The following SULT1A1 variants were observed in gnomAD, a reference collection of about 807,000 sequenced individuals.
SULT1A1 encodes sulfotransferase 1A1.
In SULT1A1, 35 loss-of-function variants were observed where a neutral mutation model predicts 36.8. That is an observed-to-expected ratio of 0.95 (90% CI 0.73 to 1.26). SULT1A1 has a LOEUF of 1.26. SULT1A1 is among the 50% of genes most tolerant of loss of function. The pLI is 0.00. For synonymous variants in SULT1A1, 119 were observed against 146.0 expected (o/e 0.82, Z 1.33); for missense variants, 309 against 383.0 (o/e 0.81, Z 1.61).
chr16:28,609,760 A>T (rs1329783798), intron 1 of SULT1A1, 171 bp downstream of exon 1: 1 of 840,588 alleles, frequency 1.2e-6, no homozygotes, highest in Non-Finnish European at 1.6e-6. Flanking sequence ...TCCCCGGGGA[A>T]AAAAACAAAC....
chr16:28,614,053 TC>T, upstream of SULT1A1: 1 of 202,752 alleles, frequency 4.9e-6, no homozygotes, highest in Non-Finnish European at 1.0e-5. Context: ...AGCGGGGTCC[TC>T]ACTGCCGGCT....
At chr16:28,607,321 G>A in intron 4 of SULT1A1, 1 of 658,576 alleles carries the variant, frequency 1.5e-6, no homozygotes, top group Non-Finnish European at 2.4e-6. Context: ...CCCCAATCTG[G>A]AGCAAGGCAT....
At chr16:28,607,506 CAGA>C (rs2047251935) in intron 4 of SULT1A1, 1 of 178,398 alleles carries the variant, frequency 5.6e-6, no homozygotes, top group Non-Finnish European at 1.2e-5. Context: ...GCGACTTTCC[CAGA>C]AGAACAGGAC....
At chr16:28,610,359 TC>T (rs2047406204), upstream of SULT1A1, 3 of 584,568 alleles carry the variant, frequency 5.1e-6, no homozygotes, top group South Asian at 6.0e-5. Context: ...AGACAAGCTC[TC>T]TCTAATTGAC....
At chr16:28,616,080 G>A (rs7188400) in intron 2 of SULT1A1, among the ~76,000 whole-genome samples, 9,446 of 152,140 alleles carry the variant, frequency 0.062, 886 homozygotes, top group African/African-American at 0.21. Flanking sequence ...CTAGACCAAG[G>A]AGCCCTCTGG....
chr16:28,623,190 G>C, exon 1 of SULT1A1: 3 of 1,549,222 alleles, frequency 1.9e-6, no homozygotes, highest in Non-Finnish European at 2.6e-6. Flanking sequence ...CAGCAACTTG[G>C]CCAGCATGGC....
chr16:28,607,681 C>G (rs976146932), intron 4 of SULT1A1: 1 of 105,008 alleles, frequency 9.5e-6, no homozygotes, highest in African/African-American at 3.1e-5. Context: ...AAAAAAGGAC[C>G]GTGGTCTTTC....
intron 1 of SULT1A1, among the ~76,000 whole-genome samples, chr16:28,621,207 TGCGAGG>T (rs1440634671): frequency 6.7e-6 from 1 of 150,062 alleles, no homozygotes; most frequent in East Asian, 2.0e-4. Context: ...CAATCTCAGG[TGCGAGG>T]GCTCACGTCT....
At chr16:28,618,566 G>C (rs548854581) in intron 2 of SULT1A1, among the ~76,000 whole-genome samples, 4 of 151,726 alleles carry the variant, frequency 2.6e-5, no homozygotes, top group African/African-American at 9.7e-5. Context: ...GGATGGTCTC[G>C]ATCTCCCGAC....
chr16:28,609,354 T>G, intron 1 of SULT1A1: 1 of 1,290,312 alleles, frequency 7.8e-7, no homozygotes, highest in Non-Finnish European at 1.0e-6. Context: ...AGGCCTGTGA[T>G]CCACTTGCCT....
At chr16:28,623,201 G>T in exon 1 of SULT1A1, 2 of 1,547,436 alleles carry the variant, frequency 1.3e-6, no homozygotes, top group Non-Finnish European at 8.7e-7. Context: ...CCAGCATGGC[G>T]CGCGGCGCTC....
chr16:28,619,418 C>A (rs2151722571), intron 2 of SULT1A1, among the ~76,000 whole-genome samples: 2 of 152,262 alleles, frequency 1.3e-5, no homozygotes, highest in South Asian at 4.1e-4. Flanking sequence ...AAATATTGGA[C>A]CCTTCTGCCA....
chr16:28,620,087 T>C (rs1438019638), exon 2 of SULT1A1: 1 of 1,613,244 alleles, frequency 6.2e-7, no homozygotes, highest in Non-Finnish European at 8.5e-7. Context: ...AGAATTTCTG[T>C]TTCAGGTCCA....
At chr16:28,620,214 A>G (rs1051325763) in intron 1 of SULT1A1, 19 of 1,340,764 alleles carry the variant, frequency 1.4e-5, no homozygotes, top group Admixed American at 3.8e-5. Context: ...TTACCATTCC[A>G]AAATGCAAAG....
Position 28,608,817 on chromosome 16 carries a change from C to T in SULT1A1, c.39G>A (p.Glu13=), listed in dbSNP as rs2047333256. 6.2e-6 allele frequency: 10 copies of T among 1,611,920 alleles called. No individual in the cohort carries two copies. Among genetic ancestry groups the T allele is most frequent in the Non-Finnish European group, 7.6e-6 (9 of 1,179,494 alleles). Residue 13 remains glutamate, a synonymous_variant, in exon 2 of 8, where the codon GAG becomes GAA. Transcript: ENST00000314752. ...LIQDTSRPPL[E]YVKGVPLIKY... is the part of the protein sequence containing the mutation. Reference sequence around the variant, plus strand: ...TGATGAGCGGGACCCCCTTCACGTACTCCAGTGGCGGGCGGGAGGTGTCCT... The same window carrying T: ...TGATGAGCGGGACCCCCTTCACGTATTCCAGTGGCGGGCGGGAGGTGTCCT...
intron 2 of SULT1A1, among the ~76,000 whole-genome samples, chr16:28,615,811 G>A (rs111453532): frequency 6.6e-6 from 1 of 152,232 alleles, no homozygotes; most frequent in Non-Finnish European, 1.5e-5. Flanking sequence ...ACTGGACAGG[G>A]GGCCCTTCCC....
chr16:28,623,197 T>TGGCGCGC, exon 1 of SULT1A1: 5 of 1,527,294 alleles, frequency 3.3e-6, no homozygotes, highest in Non-Finnish European at 4.4e-6. Context: ...TTGGCCAGCA[T>TGGCGCGC]GGCGCGCGGC....
chr16:28,621,506 A>AAG (rs1555485636), intron 1 of SULT1A1, among the ~76,000 whole-genome samples: 7,169 of 41,476 alleles, frequency 0.17, 866 homozygotes, highest in Non-Finnish European at 0.24. Context: ...AAAAAAAAAA[A>AAG]AAGAAGAAGA....
At chr16:28,607,392 TA>T (rs1481256361) in intron 4 of SULT1A1, 3 of 363,144 alleles carry the variant, frequency 8.3e-6, no homozygotes, top group African/African-American at 2.0e-5. Flanking sequence ...ACCCACCCTC[TA>T]GCTTTCTTAG....
Sources: allele counts gnomAD v4.1 joint callset (sites outside exome capture counted in the v4.1 genomes callset), GRCh38; gene constraint gnomAD v4.1.1; transcripts MANE v1.5; gene names NCBI Gene and HGNC (gene_info 2026-07-23, HGNC 2026-07-21).